SLIT3: variants seen among roughly 807,000 people sequenced by gnomAD.
The protein encoded by SLIT3 is slit guidance ligand 3.
Under a neutral mutation model 184.0 loss-of-function variants are expected in SLIT3, and 68 were observed. The ratio of observed to expected loss-of-function variants is 0.37; its 90% CI spans 0.30 to 0.45. The LOEUF (loss-of-function observed/expected upper bound fraction) is 0.45, where lower values mean the gene tolerates loss of function less well. Among genes scored for constraint, SLIT3 ranks in the 20% least tolerant of loss-of-function variants. The pLI is 1.00. For synonymous variants in SLIT3, 831 were observed against 828.6 expected (o/e 1.00, Z -0.05); for missense variants, 1,707 against 2,026.0 (o/e 0.84, Z 3.02).
intron 3 of SLIT3, among the ~76,000 whole-genome samples, chr5:169,230,946 T>C (rs1764980566): frequency 6.6e-6 from 1 of 152,248 alleles, no homozygotes. Context: ...CCACTTAGAT[T>C]CAACAATTAT....
chr5:169,147,642 G>T (rs1175480317), intron 4 of SLIT3, among the ~76,000 whole-genome samples: 1 of 152,212 alleles, frequency 6.6e-6, no homozygotes, highest in Non-Finnish European at 1.5e-5. Flanking sequence ...TGACTTGCAA[G>T]TATTTATCTT....
chr5:168,783,003 G>A (rs1051272701), intron 12 of SLIT3, among the ~76,000 whole-genome samples: 4 of 152,148 alleles, frequency 2.6e-5, no homozygotes, highest in Admixed American at 1.3e-4. Context: ...GTATAAGAAA[G>A]AGCTTTCTAA....
intron 3 of SLIT3, among the ~76,000 whole-genome samples, chr5:169,212,267 C>T (rs1764291094): frequency 6.6e-6 from 1 of 152,214 alleles, no homozygotes; most frequent in African/African-American, 2.4e-5. Flanking sequence ...TTCTCCACAT[C>T]CTCTCCAGCA....
chr5:169,109,661 G>C (rs1188855242), intron 4 of SLIT3, among the ~76,000 whole-genome samples: 1 of 152,202 alleles, frequency 6.6e-6, no homozygotes, highest in East Asian at 1.9e-4. Flanking sequence ...GGACTCTCAT[G>C]AGACTAAGTT....
chr5:168,919,131 G>A (rs1259930769), intron 4 of SLIT3, among the ~76,000 whole-genome samples: 1 of 152,078 alleles, frequency 6.6e-6, no homozygotes, highest in Non-Finnish European at 1.5e-5. Context: ...GTGGTGGCGG[G>A]TGCCTGTAGT....
intron 4 of SLIT3, among the ~76,000 whole-genome samples, chr5:168,940,102 T>C (rs1222923307): frequency 6.6e-6 from 1 of 152,184 alleles, no homozygotes; most frequent in Non-Finnish European, 1.5e-5. Context: ...CAATAAATGA[T>C]AAGTGTCAAA....
Position 168,719,767 on chromosome 5 carries a change from G to T in SLIT3, c.2483+2489C>A, listed in dbSNP as rs544243004. Among the ~76,000 whole-genome samples, 7 of 152,326 alleles carry T rather than the reference G, an allele frequency of 4.6e-5. 1 individual carries two copies. In the South Asian group the frequency reaches 1.2e-3, roughly 27 times the overall value. ...TAGGTGTGTAATTAGTGGGAGAAAG[G>T]ACATTTTTACTTTTCCTGAATTGGC... is the stretch of plus-strand genomic sequence containing the variant. On this transcript the variant is annotated intron_variant, in intron 23 of 35. Transcript: ENST00000519560.
At chr5:168,689,435 T>C (rs1170029758) in intron 29 of SLIT3, among the ~76,000 whole-genome samples, 4 of 152,234 alleles carry the variant, frequency 2.6e-5, no homozygotes, top group African/African-American at 9.6e-5. Flanking sequence ...TGGATTTAGC[T>C]GAGAAATCAG....
Position 168,687,022 on chromosome 5 carries a change from C to G in SLIT3, c.3271G>C (p.Asp1091His). 1 of 1,614,256 alleles carries G rather than the reference C, an allele frequency of 6.2e-7. No individual in the cohort carries two copies. Among genetic ancestry groups the G allele is most frequent in the Non-Finnish European group, 8.5e-7 (1 of 1,180,034 alleles). The change falls in exon 30 of 36, where the codon GAC becomes CAC. Residue 1091 changes from aspartate (D) to histidine (H), a missense_variant. By Grantham distance (81) the Asp-to-His change is moderately conservative. Coordinates refer to ENST00000519560, the MANE Select transcript of SLIT3 (RefSeq NM_003062.4). ...HKCRHGAQCV[D>H]TINGYTCTCP... ...GTGCATGTGTAGCCATTGATTGTGT[C>G]CACGCACTGGGCCCCGTGGCGGCAC...
At chr5:168,765,884 A>G (rs556791906) in intron 14 of SLIT3, among the ~76,000 whole-genome samples, 9 of 151,986 alleles carry the variant, frequency 5.9e-5, no homozygotes, top group Non-Finnish European at 8.8e-5. Flanking sequence ...AGCTCAGAAC[A>G]ACGACACTTG....
intron 4 of SLIT3, among the ~76,000 whole-genome samples, chr5:169,113,395 C>G (rs1409128448): frequency 6.6e-6 from 1 of 152,134 alleles, no homozygotes; most frequent in Admixed American, 6.5e-5. Context: ...TGCCTGTGTC[C>G]GAATTCTTCC....
At chr5:169,023,475 A>G (rs974495035) in intron 4 of SLIT3, among the ~76,000 whole-genome samples, 5 of 152,150 alleles carry the variant, frequency 3.3e-5, no homozygotes, top group African/African-American at 1.2e-4. Flanking sequence ...GTTGTAGGAT[A>G]TGTGCATTGA....
At chr5:169,176,528 C>T (rs576853966) in intron 4 of SLIT3, among the ~76,000 whole-genome samples, 25 of 152,188 alleles carry the variant, frequency 1.6e-4, no homozygotes, top group African/African-American at 5.5e-4. Context: ...CTTACTATGG[C>T]ATTGAATTGT....
chr5:168,960,439 C>A lies in SLIT3; in HGVS notation c.414-77103G>T, dbSNP rs6555842. ...TTCATTAATCATCATAACAACCAAA[C>A]GAGGTACAATCCCATATCTCCTTTA... On this transcript the variant is annotated intron_variant, in intron 4 of 35. Transcript: ENST00000519560. Among the ~76,000 whole-genome samples the A allele has an allele frequency of 3.9e-4, 60 of 152,106 alleles. 1 individual carries two copies. The East Asian group carries it at 9.3e-3, about 24-fold the overall frequency.
intron 4 of SLIT3, among the ~76,000 whole-genome samples, chr5:169,117,998 T>C (rs985424145): frequency 2.6e-5 from 4 of 152,134 alleles, no homozygotes; most frequent in African/African-American, 7.2e-5. Context: ...ATGTGTGCCT[T>C]TTGCCTTCCC....
rs538588452 is a variant in SLIT3, at chr5:168,953,236, C to T, written c.414-69900G>A. Among the ~76,000 whole-genome samples the T allele has an allele frequency of 4.6e-5, 7 of 152,326 alleles. No individual in the cohort carries two copies. The East Asian group carries it at 7.7e-4, about 17-fold the overall frequency. On this transcript the variant is annotated intron_variant, in intron 4 of 35. Coordinates refer to ENST00000519560, the MANE Select transcript of SLIT3 (RefSeq NM_003062.4). ...ATAACCCAAATGGATGCTTCTTCCA[C>T]GCCCATGGCTGCAAGCAAATCAGTG...
At chr5:169,200,170 G>A (rs890828547) in intron 3 of SLIT3, among the ~76,000 whole-genome samples, 1 of 152,234 alleles carries the variant, frequency 6.6e-6, no homozygotes, top group African/African-American at 2.4e-5. Context: ...GGAAAGGGAA[G>A]GGGTGAGGGG....
intron 4 of SLIT3, among the ~76,000 whole-genome samples, chr5:168,922,633 G>A (rs1482374613): frequency 6.6e-6 from 1 of 152,154 alleles, no homozygotes; most frequent in Non-Finnish European, 1.5e-5. Flanking sequence ...TGCAGATGCT[G>A]GAGTGCCAGG....
At chr5:168,771,909 G>A (rs1383112301) in intron 14 of SLIT3, among the ~76,000 whole-genome samples, 2 of 152,178 alleles carry the variant, frequency 1.3e-5, no homozygotes, top group African/African-American at 4.8e-5. Flanking sequence ...TGCACACACC[G>A]TGAGGGTTGG....
Sources: gnomAD v4.1 joint callset for allele counts (sites outside exome capture counted in the v4.1 genomes callset) on GRCh38, gnomAD v4.1.1 for gene constraint, MANE v1.5 for transcripts, NCBI Gene and HGNC (gene_info 2026-07-23, HGNC 2026-07-21) for gene names.